The following LYPD6 variants were observed in gnomAD, a reference collection of about 807,000 sequenced individuals.
LYPD6 encodes the protein LY6/PLAUR domain containing 6, also known as ly6/PLAUR domain-containing protein 6.
Under a neutral mutation model 22.7 loss-of-function variants are expected in LYPD6, and 15 were observed. The observed-to-expected ratio is 0.66, with a 90% CI of 0.44 to 1.02. The LOEUF is 1.02. Ranked by LOEUF, LYPD6 falls within the 50% of genes least tolerant of loss-of-function variation. LYPD6 has a pLI of 0.00. For missense variants in LYPD6, 189 were observed against 208.4 expected (o/e 0.91, Z 0.57); for synonymous variants, 72 against 77.5 (o/e 0.93, Z 0.37).
intron 1 of LYPD6, among the ~76,000 whole-genome samples, chr2:149,401,292 A>G (rs927397136): frequency 5.9e-5 from 9 of 152,236 alleles, no homozygotes; most frequent in Non-Finnish European, 8.8e-5. Flanking sequence ...AATTCTGGGA[A>G]GTGTATTTTG....
chr2:149,330,572 TC>T (rs1421383719), upstream of LYPD6: 1 of 150,728 alleles, frequency 6.6e-6, no homozygotes, highest in African/African-American at 2.4e-5. Flanking sequence ...CCCCCGCCTC[TC>T]CCCGCTGCGC....
rs538359434 is a variant in LYPD6, at chr2:149,382,977, G to A, written c.-72+52255G>A. ...AATGGTCAGAATAAAAATTTCAAAT[G>A]TCAATATCTGGTCTATAAAAAATTC... On this transcript the variant is annotated intron_variant, in intron 1 of 4. Transcript: ENST00000334166. Among the ~76,000 whole-genome samples the A allele has an allele frequency of 2.6e-5, 4 of 152,142 alleles. No homozygotes were observed. The East Asian group carries it at 7.7e-4, about 29-fold the overall frequency.
chr2:149,440,349 TA>T, intron 2 of LYPD6: 1 of 166,060 alleles, frequency 6.0e-6, no homozygotes, highest in Non-Finnish European at 1.3e-5. Flanking sequence ...AAATTGTTCC[TA>T]AACCAGAAGA....
At chr2:149,478,358 T>C (rs1352632933), downstream of LYPD6, among the ~76,000 whole-genome samples, 2 of 149,200 alleles carry the variant, frequency 1.3e-5, no homozygotes, top group East Asian at 4.0e-4. Flanking sequence ...GACAGGGAAT[T>C]CACCCTTTGG....
intron 1 of LYPD6, among the ~76,000 whole-genome samples, chr2:149,351,928 T>C (rs974561270): frequency 6.6e-6 from 1 of 151,456 alleles, no homozygotes; most frequent in Non-Finnish European, 1.5e-5. Flanking sequence ...ACTGAAGAAG[T>C]TGGCCACAGT....
At chr2:149,375,537 GATTTAGAAAAT>G (rs1559129363) in intron 1 of LYPD6, among the ~76,000 whole-genome samples, 1 of 152,144 alleles carries the variant, frequency 6.6e-6, no homozygotes, top group African/African-American at 2.4e-5. Context: ...TCTAAAAATA[GATTTAGAAAAT>G]ACCTTTCCTA....
At chr2:149,388,990 A>C (rs1682248489) in intron 1 of LYPD6, among the ~76,000 whole-genome samples, 1 of 152,196 alleles carries the variant, frequency 6.6e-6, no homozygotes, top group Non-Finnish European at 1.5e-5. Flanking sequence ...TTAGTACTGT[A>C]CTGCACACTT....
chr2:149,426,484 C>A (rs1267426808), intron 1 of LYPD6, among the ~76,000 whole-genome samples: 1 of 152,086 alleles, frequency 6.6e-6, no homozygotes, highest in Admixed American at 6.6e-5. Flanking sequence ...CAGCTAGCTA[C>A]AAGGGCAGAT....
chr2:149,358,244 A>G (rs776939205), intron 1 of LYPD6, among the ~76,000 whole-genome samples: 31 of 152,322 alleles, frequency 2.0e-4, no homozygotes, highest in Non-Finnish European at 1.3e-4. Context: ...GTTTCTTCCT[A>G]TTATATTATC....
chr2:149,394,048 C>T (rs186130431), intron 1 of LYPD6, among the ~76,000 whole-genome samples: 6 of 152,324 alleles, frequency 3.9e-5, no homozygotes, highest in African/African-American at 1.2e-4. Context: ...ATATAAAATT[C>T]GGTCATTAGC....
At position 149,362,898 on chromosome 2, in the gene LYPD6, A is replaced by G. The variant is rs150183695; in HGVS notation, c.-72+32176A>G. On this transcript the variant is annotated intron_variant, in intron 1 of 4. Coordinates refer to ENST00000334166, the MANE Select transcript of LYPD6 (RefSeq NM_194317.5). Reference sequence around the variant, plus strand: ...TTGGGGGATACTTTCAACTCAAAACAGTGGCGCTTCATCTTTAGCGACAAG... The same window carrying G: ...TTGGGGGATACTTTCAACTCAAAACGGTGGCGCTTCATCTTTAGCGACAAG... Among the ~76,000 whole-genome samples, 259 of 152,302 alleles carry G rather than the reference A, an allele frequency of 1.7e-3. 4 individuals are homozygous for G. The highest frequency in any genetic ancestry group is 5.8e-3 in the African/African-American group (242 of 41,556).
intron 1 of LYPD6, among the ~76,000 whole-genome samples, chr2:149,373,439 C>T (rs1445634171): frequency 2.0e-5 from 3 of 152,100 alleles, no homozygotes; most frequent in Middle Eastern, 3.4e-3. Flanking sequence ...AAAGGGGTTC[C>T]AGGACTGTGT....
chr2:149,365,799 A>G (rs1048546129), intron 1 of LYPD6, among the ~76,000 whole-genome samples: 2 of 152,220 alleles, frequency 1.3e-5, no homozygotes, highest in African/African-American at 2.4e-5. Flanking sequence ...GGTAGGGTTG[A>G]GCCTTGGAGG....
chr2:149,415,081 T>G (rs571679785), intron 1 of LYPD6, among the ~76,000 whole-genome samples: 1 of 152,304 alleles, frequency 6.6e-6, no homozygotes, highest in African/African-American at 2.4e-5. Context: ...TGGGTGTTCC[T>G]TATAGATGGA....
chr2:149,445,960 G>A (rs570034760), intron 2 of LYPD6, among the ~76,000 whole-genome samples: 1 of 152,212 alleles, frequency 6.6e-6, no homozygotes, highest in South Asian at 2.1e-4. Flanking sequence ...TCATTTCTAG[G>A]TTTTGATTTA....
chr2:149,333,534 A>T (rs1159829340), intron 1 of LYPD6, among the ~76,000 whole-genome samples: 1 of 152,194 alleles, frequency 6.6e-6, no homozygotes. Flanking sequence ...TCTGTGCTTT[A>T]GTTTTCTTAT....
At chr2:149,468,965 C>T (rs985958496) in intron 4 of LYPD6, among the ~76,000 whole-genome samples, 190 bp downstream of exon 4, 3 of 152,174 alleles carry the variant, frequency 2.0e-5, no homozygotes, top group East Asian at 1.9e-4. Flanking sequence ...GAGCATAGGA[C>T]AACTGATATA....
intron 1 of LYPD6, among the ~76,000 whole-genome samples, chr2:149,429,505 T>TA (rs1416550569): frequency 6.6e-6 from 1 of 152,234 alleles, no homozygotes; most frequent in East Asian, 1.9e-4. Context: ...TTCTGTACCT[T>TA]ACAACCAATG....
chr2:149,423,121 G>A (rs1484651204), intron 1 of LYPD6, among the ~76,000 whole-genome samples: 2 of 151,980 alleles, frequency 1.3e-5, no homozygotes, highest in African/African-American at 2.4e-5. Flanking sequence ...GCCCCCACAG[G>A]GCAAGGAGGT....
Sources: allele counts gnomAD v4.1 joint callset (sites outside exome capture counted in the v4.1 genomes callset), GRCh38; gene constraint gnomAD v4.1.1; transcripts MANE v1.5; gene names NCBI Gene and HGNC (gene_info 2026-07-23, HGNC 2026-07-21).